NUP210: variants seen among roughly 807,000 people sequenced by gnomAD.
The protein encoded by NUP210 is nuclear pore membrane glycoprotein 210.
NUP210 carries 151 observed loss-of-function variants against 196.0 expected under a neutral mutation model. The ratio of observed to expected loss-of-function variants is 0.77; its 90% confidence interval spans 0.67 to 0.88. The LOEUF (loss-of-function observed/expected upper bound fraction) is 0.88, where lower values mean the gene tolerates loss of function less well. Ranked by LOEUF, NUP210 falls within the 40% of genes least tolerant of loss-of-function variation. The pLI, the probability that NUP210 is intolerant of heterozygous loss-of-function variation, is 0.00. For synonymous variants in NUP210, 1,070 were observed against 1,052.7 expected (o/e 1.02, Z -0.32); for missense variants, 2,314 against 2,493.7 (o/e 0.93, Z 1.53).
At chr3:13,400,965 C>T (rs1353167498) in intron 1 of NUP210, among the ~76,000 whole-genome samples, 4 of 152,106 alleles carry the variant, frequency 2.6e-5, no homozygotes, top group African/African-American at 4.8e-5. Context: ...TGTCAAAAAG[C>T]AATGGTGCGT....
chr3:13,363,563 CT>C, intron 14 of NUP210, among the ~76,000 whole-genome samples: 1 of 152,330 alleles, frequency 6.6e-6, no homozygotes, highest in East Asian at 1.9e-4. Flanking sequence ...ATGAAGGATG[CT>C]CATGAATTGT....
rs1475587642 is a variant in NUP210, at chr3:13,323,819, C to T, written c.4645-387G>A. Among the ~76,000 whole-genome samples the T allele has an allele frequency of 2.0e-5, 3 of 152,164 alleles. No individual in the cohort carries two copies. Among genetic ancestry groups the T allele is most frequent in the Non-Finnish European group, 4.4e-5 (3 of 68,008 alleles). ...TCTGCCCAGATTTTCCCAGCTGTTC[C>T]CCCTGTGCCCATCCTGTACCTGGCC... On this transcript the variant is annotated intron_variant, in intron 33 of 39. Coordinates refer to ENST00000254508, the MANE Select transcript of NUP210 (RefSeq NM_024923.4). This position sits in a 1 kb window ranked among gnomAD's most constrained non-coding sequence, Gnocchi z 4.3.
At chr3:13,378,488 C>T (rs867076234) in intron 8 of NUP210, among the ~76,000 whole-genome samples, 1 of 152,340 alleles carries the variant, frequency 6.6e-6, no homozygotes, top group Middle Eastern at 3.4e-3. Flanking sequence ...AAAATGCCTG[C>T]CTTCAATATC....
At chr3:13,352,239 T>G in intron 18 of NUP210, 55 bp from the exon 19 acceptor site, 1 of 1,386,122 alleles carries the variant, frequency 7.2e-7, no homozygotes, top group Non-Finnish European at 1.0e-6. Flanking sequence ...AGGCTGCCCC[T>G]CGGGAAGAAC....
At chr3:13,419,794 G>C (rs1002734578) in intron 1 of NUP210, among the ~76,000 whole-genome samples, 1 of 151,800 alleles carries the variant, frequency 6.6e-6, no homozygotes, top group Non-Finnish European at 1.5e-5. Context: ...CCCTCCTCCC[G>C]CACAACCCAG....
intron 1 of NUP210, among the ~76,000 whole-genome samples, chr3:13,413,274 T>C (rs1485420979): frequency 2.6e-5 from 4 of 151,928 alleles, no homozygotes; most frequent in Non-Finnish European, 5.9e-5. Flanking sequence ...GAGACCATCC[T>C]GGCTAACATG....
intron 4 of NUP210, among the ~76,000 whole-genome samples, chr3:13,389,930 T>A (rs2009190): frequency 3.9e-5 from 6 of 152,070 alleles, no homozygotes; most frequent in South Asian, 4.1e-4. Flanking sequence ...AGGGCCACTC[T>A]ACAGATAACT....
chr3:13,335,395 G>T, intron 28 of NUP210, 59 bp downstream of exon 28: 6 of 1,574,474 alleles, frequency 3.8e-6, no homozygotes, highest in Non-Finnish European at 5.2e-6. Flanking sequence ...CCCGAAGGAA[G>T]ATTGGGCAGC....
chr3:13,386,714 T>C (rs963698447), intron 5 of NUP210, among the ~76,000 whole-genome samples: 2 of 152,006 alleles, frequency 1.3e-5, no homozygotes, highest in Non-Finnish European at 2.9e-5. Context: ...CAGGGTGAAC[T>C]CTAGGGATGC....
In NUP210 at chr3:13,354,092, G is replaced by A. The variant is rs537431405; in HGVS notation, c.2344C>T (p.His782Tyr). Residue 782 changes from histidine to tyrosine, a missense_variant, in exon 17 of 40, where the codon CAC (histidine) becomes TAC (tyrosine). Transcript: ENST00000254508. The part of the protein sequence containing the change: ...QNKQVVPVSS[H>Y]RNPRLDLAAY... ...GCCAGGTCCAGCCGGGGGTTGCGGTGGCTGGACACTGGGACCTGCAGGGAA... is the reference window on the plus strand; with the variant it reads ...GCCAGGTCCAGCCGGGGGTTGCGGTAGCTGGACACTGGGACCTGCAGGGAA... The A allele has an allele frequency of 5.6e-5, 90 of 1,593,980 alleles. 1 individual carries two copies. The South Asian group carries it at 9.5e-4, about 17-fold the overall frequency.
chr3:13,384,058 G>A (rs575158411), intron 6 of NUP210, among the ~76,000 whole-genome samples: 1 of 152,330 alleles, frequency 6.6e-6, no homozygotes, highest in South Asian at 2.1e-4. Flanking sequence ...CACCTCCTGG[G>A]TTCAAGTGAT....
intron 16 of NUP210, among the ~76,000 whole-genome samples, chr3:13,354,862 A>G (rs1232505016): frequency 6.6e-6 from 1 of 152,206 alleles, no homozygotes; most frequent in African/African-American, 2.4e-5. Flanking sequence ...CTGGATTCCC[A>G]CCACTCTGGG....
In NUP210 at chr3:13,317,513, G is replaced by A; in HGVS notation, c.*168C>T. On this transcript the variant is annotated 3_prime_UTR_variant, in exon 40 of 40. Coordinates refer to ENST00000254508, the MANE Select transcript of NUP210 (RefSeq NM_024923.4). ...AACTCCTACATAAAATGAGCTAATG[G>A]GCAGAGCCGAAACTACAGCTCTGTG... The A allele has an allele frequency of 1.6e-6, 1 of 611,540 alleles. No homozygotes were observed. The highest frequency in any genetic ancestry group is 1.9e-5 in the South Asian group (1 of 52,550). 37.9% of individuals were successfully genotyped at this position (611,540 alleles called of 1,614,324 possible). A position where few individuals can be genotyped will look rare whatever the true frequency, so the allele number is the denominator to read the frequency against.
chr3:13,419,976 C>A, intron 1 of NUP210, 84 bp downstream of exon 1: 4 of 938,480 alleles, frequency 4.3e-6, no homozygotes, highest in Non-Finnish European at 5.2e-6. Context: ...CCGGCTCTGC[C>A]GGCCTCCCGG....
intron 1 of NUP210, among the ~76,000 whole-genome samples, chr3:13,412,687 C>T (rs1198031814): frequency 6.6e-6 from 1 of 151,420 alleles, no homozygotes; most frequent in Non-Finnish European, 1.5e-5. Context: ...GTACTCCAGC[C>T]CAGGCAATAC....
intron 25 of NUP210, 117 bp from the exon 26 acceptor site, chr3:13,338,034 T>G: frequency 1.1e-6 from 1 of 895,004 alleles, no homozygotes; most frequent in Non-Finnish European, 1.7e-6. Context: ...AGAAGGCCCC[T>G]CAGGATGACC....
intron 29 of NUP210, 83 bp downstream of exon 29, chr3:13,332,210 G>A: frequency 9.0e-7 from 1 of 1,116,226 alleles, no homozygotes. Context: ...AGTACCCATG[G>A]CTCCTGACAG....
intron 1 of NUP210, among the ~76,000 whole-genome samples, chr3:13,412,718 A>T (rs1700218080): frequency 7.1e-6 from 1 of 141,500 alleles, no homozygotes. Flanking sequence ...CATCTCAATT[A>T]AAAAAAAAAA....
chr3:13,318,657 CAGTT>C (rs1222194451), intron 39 of NUP210, among the ~76,000 whole-genome samples: 4 of 152,178 alleles, frequency 2.6e-5, no homozygotes, highest in South Asian at 2.1e-4. Context: ...ACCAGAGAGA[CAGTT>C]AGACCATTGA....
Sources: allele counts gnomAD v4.1 joint callset (sites outside exome capture counted in the v4.1 genomes callset), GRCh38; gene constraint gnomAD v4.1.1; non-coding constraint Gnocchi (gnomAD v3.1); transcripts MANE v1.5; gene names NCBI Gene and HGNC (gene_info 2026-07-23, HGNC 2026-07-21).